RAB27A: variants seen among roughly 807,000 people sequenced by gnomAD.
RAB27A encodes the protein ras-related protein Rab-27A.
In RAB27A, 17 loss-of-function variants were observed where a neutral mutation model predicts 20.8. That is an observed-to-expected ratio of 0.82 (90% CI 0.56 to 1.23). RAB27A has a LOEUF of 1.23. Among genes scored for constraint, RAB27A ranks in the 50% most tolerant of loss-of-function variants. The pLI, the probability that RAB27A is intolerant of heterozygous loss-of-function variation, is 0.00. For synonymous variants in RAB27A, 85 were observed against 92.8 expected, an observed-to-expected ratio of 0.92 and a Z score of 0.48; for missense variants, 277 against 266.7, an observed-to-expected ratio of 1.04 and a Z score of -0.27.
intron 2 of RAB27A, among the ~76,000 whole-genome samples, chr15:55,244,357 A>G (rs1195352947): frequency 1.3e-5 from 2 of 152,004 alleles, no homozygotes; most frequent in South Asian, 2.1e-4. Flanking sequence ...AAAAACACAT[A>G]AAGCTCAGTA....
In RAB27A at chr15:55,204,191, T is replaced by C. The variant is rs1034812135; in HGVS notation, c.*1316A>G. 3 of 152,208 alleles carry C rather than the reference T, an allele frequency of 2.0e-5. No homozygotes were observed. The allele number at this position is 152,208 out of a possible 1,614,324, so 9.4% of individuals were successfully genotyped here. On this transcript the variant is annotated 3_prime_UTR_variant, in exon 7 of 7. Transcript: ENST00000336787. The stretch of plus-strand genomic sequence containing the variant: ...ATCTACTTTATTCAAACCACTTTAA[T>C]AAATAAGACTTTTCACCTAAATGAA...
rs192621464 is a variant in RAB27A, at chr15:55,280,901, C to T, written c.-143+8815G>A. Among the ~76,000 whole-genome samples, 522 of 152,242 alleles carry T rather than the reference C, an allele frequency of 3.4e-3. 7 individuals are homozygous for T. The highest frequency in any genetic ancestry group is 3.7e-3 in the Non-Finnish European group (250 of 68,028). On this transcript the variant is annotated intron_variant, in intron 1 of 6. Transcript: ENST00000336787. ...ATGTGCCACATTTTCTTAATCCAGT[C>T]TATCATTGATGGACATTTGTGTTAG...
intron 6 of RAB27A, among the ~76,000 whole-genome samples, chr15:55,209,843 C>CACATATATGTGTGTATATACATATAT (rs1894856464): frequency 1.8e-5 from 2 of 109,560 alleles, no homozygotes; most frequent in Non-Finnish European, 3.6e-5. Flanking sequence ...TATGTGTGTA[C>CACATATATGTGTGTATATACATATAT]ACATATATGT....
At chr15:55,219,391 T>C (rs1462004362) in intron 6 of RAB27A, among the ~76,000 whole-genome samples, 1 of 152,238 alleles carries the variant, frequency 6.6e-6, no homozygotes, top group Non-Finnish European at 1.5e-5. Flanking sequence ...CAAGAATGAC[T>C]TTGTCCAAAG....
At chr15:55,219,866 T>C (rs1000339633) in intron 6 of RAB27A, among the ~76,000 whole-genome samples, 3 of 152,132 alleles carry the variant, frequency 2.0e-5, no homozygotes, top group African/African-American at 7.2e-5. Context: ...ATTCAATTGG[T>C]TTACCACAGA....
chr15:55,317,770 GC>G (rs2055062288), intron 1 of RAB27A: 1 of 398,342 alleles, frequency 2.5e-6, no homozygotes, highest in Non-Finnish European at 4.4e-6. Flanking sequence ...AAGCAGTTGT[GC>G]AAAAGTCAAT....
chr15:55,293,226 A>G (rs1021052832), upstream of RAB27A, among the ~76,000 whole-genome samples: 1 of 152,186 alleles, frequency 6.6e-6, no homozygotes, highest in African/African-American at 2.4e-5. Context: ...GTATGTGTAT[A>G]TGTATGTATT....
At chr15:55,267,525 A>G (rs1229411514) in intron 2 of RAB27A, among the ~76,000 whole-genome samples, 2 of 152,204 alleles carry the variant, frequency 1.3e-5, no homozygotes, top group Non-Finnish European at 2.9e-5. Context: ...CAGCAACACC[A>G]GAAGCGCAAA....
At chr15:55,263,630 A>G (rs1263993281) in intron 2 of RAB27A, among the ~76,000 whole-genome samples, 2 of 152,216 alleles carry the variant, frequency 1.3e-5, no homozygotes, top group African/African-American at 4.8e-5. Context: ...AATAACGTTT[A>G]TGCATTCTGT....
At chr15:55,214,321 A>G (rs1895175208) in intron 6 of RAB27A, among the ~76,000 whole-genome samples, 1 of 152,188 alleles carries the variant, frequency 6.6e-6, no homozygotes, top group African/African-American at 2.4e-5. Flanking sequence ...CTGTAGTCCC[A>G]GCTACTCGGG....
At chr15:55,220,529 C>T (rs1895520764) in intron 6 of RAB27A, among the ~76,000 whole-genome samples, 1 of 152,154 alleles carries the variant, frequency 6.6e-6, no homozygotes, top group South Asian at 2.1e-4. Flanking sequence ...CCTTGGCCTC[C>T]CAAAGTGCTG....
chr15:55,244,267 A>G (rs1204125884), intron 2 of RAB27A, among the ~76,000 whole-genome samples: 2 of 152,186 alleles, frequency 1.3e-5, no homozygotes, highest in East Asian at 3.8e-4. Context: ...GTGAGCAGAG[A>G]TAGCACCACT....
chr15:55,315,293 A>G (rs1003807220), intron 1 of RAB27A, among the ~76,000 whole-genome samples: 4 of 152,236 alleles, frequency 2.6e-5, no homozygotes, highest in Non-Finnish European at 5.9e-5. Context: ...TGGAAAACCT[A>G]AAACCATAAA....
chr15:55,229,205 C>T (rs1350261413), intron 4 of RAB27A, among the ~76,000 whole-genome samples: 1 of 152,108 alleles, frequency 6.6e-6, no homozygotes, highest in Non-Finnish European at 1.5e-5. Context: ...TGTCTTCTCT[C>T]TCTCTCTCCC....
intron 1 of RAB27A, chr15:55,317,837 C>A: frequency 7.6e-6 from 3 of 396,564 alleles, no homozygotes; most frequent in South Asian, 1.3e-4. Flanking sequence ...TTTGGAAAGT[C>A]ACACTCCACA....
intron 2 of RAB27A, 96 bp from the exon 3 acceptor site, chr15:55,235,052 T>A: frequency 4.1e-6 from 4 of 982,384 alleles, no homozygotes; most frequent in Non-Finnish European, 6.2e-6. Flanking sequence ...TAACACCTAA[T>A]GTTAACCTGT....
chr15:55,209,892 A>G (rs1595668543), intron 6 of RAB27A, among the ~76,000 whole-genome samples: 1 of 123,126 alleles, frequency 8.1e-6, no homozygotes, highest in South Asian at 2.2e-4. Context: ...GTGTATACAT[A>G]TATACACATA....
At chr15:55,291,400 C>T (rs910046878), upstream of RAB27A, among the ~76,000 whole-genome samples, 1 of 149,992 alleles carries the variant, frequency 6.7e-6, no homozygotes, top group African/African-American at 2.5e-5. Flanking sequence ...GTCTCAGCTA[C>T]TTAGGAGGCT....
At chr15:55,206,296 A>T (rs1057150473) in intron 6 of RAB27A, 4 of 755,012 alleles carry the variant, frequency 5.3e-6, no homozygotes, top group Non-Finnish European at 6.4e-6. Context: ...ATAAAAAGAT[A>T]TAAGTAGGGG....
Sources: gnomAD v4.1 joint callset for allele counts (sites outside exome capture counted in the v4.1 genomes callset) on GRCh38, gnomAD v4.1.1 for gene constraint, MANE v1.5 for transcripts, NCBI Gene and HGNC (gene_info 2026-07-23, HGNC 2026-07-21) for gene names.